MARCHF8: variants seen among roughly 807,000 people sequenced by gnomAD.
MARCHF8 encodes the protein E3 ubiquitin-protein ligase MARCHF8.
In MARCHF8, 40 loss-of-function variants were observed where a neutral mutation model predicts 51.6. The ratio of observed to expected loss-of-function variants is 0.77; its 90% CI spans 0.60 to 1.01. The LOEUF is 1.01. Ranked by LOEUF, MARCHF8 falls within the 50% of genes least tolerant of loss-of-function variation. MARCHF8 has a pLI of 0.00. For missense variants in MARCHF8, 685 were observed against 708.6 expected (o/e 0.97, Z 0.38); for synonymous variants, 263 against 280.3 (o/e 0.94, Z 0.62).
chr10:45,513,981 C>T (rs886881497), intron 2 of MARCHF8, among the ~76,000 whole-genome samples: 1 of 152,058 alleles, frequency 6.6e-6, no homozygotes, highest in Non-Finnish European at 1.5e-5. Context: ...TTGTCTTTCT[C>T]AGGGTTTTTC....
chr10:45,493,984 T>C (rs1365579472), intron 2 of MARCHF8, among the ~76,000 whole-genome samples: 1 of 152,306 alleles, frequency 6.6e-6, no homozygotes, highest in East Asian at 1.9e-4. Context: ...TCATGACCAT[T>C]TTAAAAGTAA....
chr10:45,495,226 G>A (rs529004708), intron 2 of MARCHF8, among the ~76,000 whole-genome samples: 15 of 151,644 alleles, frequency 9.9e-5, no homozygotes, highest in East Asian at 1.9e-4. Flanking sequence ...AACTGACAGC[G>A]TAAAAACTAT....
Position 45,463,494 on chromosome 10 carries a change from C to T in MARCHF8, c.745G>A (p.Gly249Ser). The change falls in exon 5 of 8, where the codon GGT (glycine) becomes AGT (serine). Residue 249 changes from glycine (G) to serine (S), a missense_variant. Transcript: ENST00000453424. Reference protein sequence around the residue: ...PGLLLEEKADGEATSRSRQLL... With the variant: ...PGLLLEEKADSEATSRSRQLL... ...TGCCGGCTTCGGGACGTGGCCTCAC[C>T]ATCCGCCTTCTCTTCCAGCAGCAGG... is the stretch of plus-strand genomic sequence containing the variant. 1 of 1,550,648 alleles carries T rather than the reference C, an allele frequency of 6.4e-7. No homozygotes were observed. Among genetic ancestry groups the T allele is most frequent in the South Asian group, 1.2e-5 (1 of 84,064 alleles).
Position 45,503,918 on chromosome 10 carries a change from T to C in MARCHF8, c.103-14501A>G, listed in dbSNP as rs146805704. ...TTCCATCTATATAAAATGTCAAAAA[T>C]AGGCAAATCCACAAAGACAAAAAGT... is the stretch of plus-strand genomic sequence containing the variant. On this transcript the variant is annotated intron_variant, in intron 2 of 7. Coordinates refer to ENST00000453424, the MANE Select transcript of MARCHF8 (RefSeq NM_001282866.2). 2.6e-5 allele frequency among the ~76,000 whole-genome samples: 4 copies of C among 152,202 alleles called. No homozygotes were observed. In the East Asian group the frequency reaches 7.7e-4, roughly 29 times the overall value.
chr10:45,504,785 C>T (rs577528699), intron 2 of MARCHF8, among the ~76,000 whole-genome samples: 3 of 152,256 alleles, frequency 2.0e-5, no homozygotes, highest in South Asian at 4.1e-4. Context: ...GATTCATGTT[C>T]GCGTATCTGG....
At position 45,584,006 on chromosome 10, in the gene MARCHF8, C is replaced by CAAAAAA. The variant is rs67624741; in HGVS notation, c.-79+10223_-79+10228dup. 3.9e-3 allele frequency among the ~76,000 whole-genome samples: 208 copies of CAAAAAA among 53,038 alleles called. 2 individuals carry two copies. Among genetic ancestry groups the CAAAAAA allele is most frequent in the Non-Finnish European group, 5.8e-3 (160 of 27,768 alleles). 34.8% of individuals were successfully genotyped at this position (53,038 alleles called of 152,430 possible). Reference sequence around the variant, plus strand: ...GGGTGACAGAGCGAGACTTCATTTCCAAAAAAAAAAAAAAAAAAAAAGGAG... The same window carrying CAAAAAA: ...GGGTGACAGAGCGAGACTTCATTTCCAAAAAAAAAAAAAAAAAAAAAAAAAAAGGAG... On this transcript the variant is annotated intron_variant, in intron 1 of 6. Transcript: ENST00000319836.
chr10:45,591,996 C>T (rs1378532886), intron 1 of MARCHF8, among the ~76,000 whole-genome samples: 6 of 152,138 alleles, frequency 3.9e-5, no homozygotes. Context: ...CTCTTCAAAG[C>T]CTTCATCATA....
At chr10:45,487,904 C>T (rs1360862278) in intron 3 of MARCHF8, among the ~76,000 whole-genome samples, 1 of 151,952 alleles carries the variant, frequency 6.6e-6, no homozygotes, top group African/African-American at 2.4e-5. Context: ...TGTTCAAATC[C>T]TCCCAGCTGA....
chr10:45,463,234 C>T lies in MARCHF8; in HGVS notation c.1005G>A (p.Lys335=). 1 of 1,550,826 alleles carries T rather than the reference C, an allele frequency of 6.4e-7. No individual in the cohort carries two copies. Among genetic ancestry groups the T allele is most frequent in the Non-Finnish European group, 8.7e-7 (1 of 1,147,048 alleles). Residue 335 remains lysine (K), a synonymous_variant, in exon 5 of 8, where the codon AAG becomes AAA. Coordinates refer to ENST00000453424, the MANE Select transcript of MARCHF8 (RefSeq NM_001282866.2). ...VLRAPLCSTE[K]DSDLDCPSPF... is the part of the protein sequence containing the mutation. Reference sequence around the variant, plus strand: ...GAGAAGGACAATCCAGGTCGCTGTCCTTTTCCGTGGAGCAGAGGGGCGCCC... The same window carrying T: ...GAGAAGGACAATCCAGGTCGCTGTCTTTTTCCGTGGAGCAGAGGGGCGCCC...
At chr10:45,530,766 T>C (rs2043865885) in intron 2 of MARCHF8, among the ~76,000 whole-genome samples, 1 of 152,130 alleles carries the variant, frequency 6.6e-6, no homozygotes, top group African/African-American at 2.4e-5. Flanking sequence ...GAGCAAGATC[T>C]GTACTCAAAA....
Position 45,586,442 on chromosome 10 carries a change from G to A in MARCHF8, c.-79+7793C>T, listed in dbSNP as rs75024280. On this transcript the variant is annotated intron_variant, in intron 1 of 6. Coordinates refer to the MARCHF8 transcript ENST00000319836. ...CTTGTTGAAAGATTATACTCTTTCC[G>A]GTGTTAAGCACTGAGTACAAGTCAT... Among the ~76,000 whole-genome samples, 612 of 152,010 alleles carry A rather than the reference G, an allele frequency of 4.0e-3. 3 individuals are homozygous for A. Among genetic ancestry groups the A allele is most frequent in the African/African-American group, 0.014 (576 of 41,458 alleles).
intron 2 of MARCHF8, among the ~76,000 whole-genome samples, chr10:45,514,491 C>A (rs1339999262): frequency 6.6e-6 from 1 of 152,266 alleles, no homozygotes; most frequent in Non-Finnish European, 1.5e-5. Context: ...GCTGTCGCAG[C>A]TGGACTTGTG....
At chr10:45,474,823 G>C (rs1179421769) in intron 3 of MARCHF8, among the ~76,000 whole-genome samples, 1 of 152,164 alleles carries the variant, frequency 6.6e-6, no homozygotes. Flanking sequence ...AAGGGGAAGC[G>C]AGCGATCCCC....
intron 1 of MARCHF8, among the ~76,000 whole-genome samples, chr10:45,578,077 CACAA>C (rs1300092176): frequency 6.6e-6 from 1 of 152,158 alleles, no homozygotes; most frequent in Non-Finnish European, 1.5e-5. Context: ...TCTATTTACA[CACAA>C]ACAAACATAT....
chr10:45,489,342 A>G (rs1387989051), intron 3 of MARCHF8, 25 bp downstream of exon 3: 7 of 1,589,406 alleles, frequency 4.4e-6, no homozygotes, highest in African/African-American at 1.3e-5. Flanking sequence ...AAGGTAATAA[A>G]TAACATTTTT....
intron 2 of MARCHF8, among the ~76,000 whole-genome samples, chr10:45,519,870 G>A (rs7081687): frequency 0.31 from 47,216 of 151,932 alleles, 7,617 homozygotes; most frequent in Middle Eastern, 0.36. Context: ...GATGAGTGGC[G>A]CATTAAGAGC....
At chr10:45,537,183 C>T (rs1361014710), upstream of MARCHF8, among the ~76,000 whole-genome samples, 2 of 152,064 alleles carry the variant, frequency 1.3e-5, no homozygotes, top group African/African-American at 4.8e-5. Context: ...AAAACTTGTC[C>T]ATGAATGTTT....
rs1483149432 is a variant in MARCHF8, at chr10:45,523,368, A to C, written c.102+9742T>G. The stretch of plus-strand genomic sequence containing the variant: ...TAGCAAGATCTCATCTCTTCAAAAT[A>C]AAAAATTTAGCCACATGTGATGGTG... On this transcript the variant is annotated intron_variant, in intron 2 of 7. Coordinates refer to ENST00000453424, the MANE Select transcript of MARCHF8 (RefSeq NM_001282866.2). Among the ~76,000 whole-genome samples the C allele has an allele frequency of 3.3e-5, 5 of 152,306 alleles. No individual in the cohort carries two copies. In the East Asian group the frequency reaches 9.6e-4, roughly 29 times the overall value.
At chr10:45,545,717 A>G (rs2044111315) in intron 1 of MARCHF8, among the ~76,000 whole-genome samples, 1 of 152,218 alleles carries the variant, frequency 6.6e-6, no homozygotes, top group Non-Finnish European at 1.5e-5. Context: ...GCAATGCTGG[A>G]TAGATAGCAA....
Sources: allele counts gnomAD v4.1 joint callset (sites outside exome capture counted in the v4.1 genomes callset), GRCh38; gene constraint gnomAD v4.1.1; transcripts MANE v1.5; gene names NCBI Gene and HGNC (gene_info 2026-07-23, HGNC 2026-07-21).